Variants in TAS2R1 observed in about 807,000 individuals in gnomAD.
The protein encoded by TAS2R1 is taste receptor type 2 member 1.
For synonymous variants in TAS2R1, 141 were observed against 134.2 expected (o/e 1.05, Z -0.35); for missense variants, 370 against 353.4 (o/e 1.05, Z -0.38).
the TAS2R1 span, among the ~76,000 whole-genome samples, chr5:9,890,813 C>A: frequency 6.6e-6 from 1 of 152,216 alleles, no homozygotes; most frequent in Admixed American, 6.5e-5. Context: ...CTACTTATAA[C>A]CACGTGTCAA....
chr5:9,703,485 G>A (rs750950652), intron 1 of TAS2R1, among the ~76,000 whole-genome samples: 1 of 152,104 alleles, frequency 6.6e-6, no homozygotes, highest in Non-Finnish European at 1.5e-5. Flanking sequence ...ACTGGTGGAA[G>A]GAGCAACAGG....
chr5:9,786,664 G>A, the TAS2R1 span, among the ~76,000 whole-genome samples: 1 of 152,176 alleles, frequency 6.6e-6, no homozygotes, highest in African/African-American at 2.4e-5. Context: ...CAAATGACTC[G>A]AATATGCAGC....
chr5:9,685,474 A>G (rs770520513), intron 1 of TAS2R1, among the ~76,000 whole-genome samples: 1 of 152,166 alleles, frequency 6.6e-6, no homozygotes, highest in Non-Finnish European at 1.5e-5. Flanking sequence ...ATCACATATT[A>G]TGTTATATTG....
At chr5:9,725,013 T>C in the TAS2R1 span, among the ~76,000 whole-genome samples, 1 of 152,246 alleles carries the variant, frequency 6.6e-6, no homozygotes, top group African/African-American at 2.4e-5. Flanking sequence ...TGTGATTTGG[T>C]AACCAGCAGC....
chr5:9,629,495 CA>C, downstream of TAS2R1: 1 of 1,614,144 alleles, frequency 6.2e-7, no homozygotes, highest in Non-Finnish European at 8.5e-7. Flanking sequence ...AACTCAGCAA[CA>C]AAAGAGAAAA....
chr5:9,890,502 A>T, the TAS2R1 span, among the ~76,000 whole-genome samples: 33 of 152,236 alleles, frequency 2.2e-4, no homozygotes, highest in Admixed American at 1.2e-3. Flanking sequence ...TTCCAACCCC[A>T]TTATATATAT....
At chr5:9,831,445 A>G in the TAS2R1 span, among the ~76,000 whole-genome samples, 1 of 152,214 alleles carries the variant, frequency 6.6e-6, no homozygotes, top group Admixed American at 6.5e-5. Context: ...TAAATTTAAA[A>G]TAACAGAATA....
chr5:9,639,764 C>T (rs138017161), intron 2 of TAS2R1, among the ~76,000 whole-genome samples: 5 of 152,324 alleles, frequency 3.3e-5, no homozygotes, highest in African/African-American at 1.2e-4. Context: ...CATGATCTAT[C>T]CTCTGCTAAC....
the TAS2R1 span, among the ~76,000 whole-genome samples, chr5:9,812,721 G>A: frequency 1.3e-5 from 2 of 152,136 alleles, no homozygotes; most frequent in African/African-American, 2.4e-5. Context: ...CACGGTAGGC[G>A]CTGGGAATAA....
the TAS2R1 span, among the ~76,000 whole-genome samples, chr5:9,754,209 C>G: frequency 7.9e-5 from 12 of 152,054 alleles, no homozygotes; most frequent in Admixed American, 2.0e-4. Context: ...ATTCAACAAC[C>G]CTTCATGCTA....
the TAS2R1 span, among the ~76,000 whole-genome samples, chr5:9,871,292 T>G: frequency 6.6e-6 from 1 of 152,236 alleles, no homozygotes; most frequent in Non-Finnish European, 1.5e-5. Flanking sequence ...CAAGATAGAC[T>G]ACCAGTTTGA....
At position 9,707,186 on chromosome 5, in the gene TAS2R1, G is replaced by T. The variant is rs1458493745; in HGVS notation, c.-242+4986C>A. 2.6e-5 allele frequency among the ~76,000 whole-genome samples: 4 copies of T among 152,202 alleles called. No homozygotes were observed. The East Asian group carries it at 5.8e-4, about 22-fold the overall frequency. ...AGGAGATGGATTTTTCTGAAGGCTC[G>T]GGAAGGATTCCCTCAGGCTGGTGGT... On this transcript the variant is annotated intron_variant, in intron 1 of 2. Transcript: ENST00000506620.
At chr5:9,726,081 G>A in the TAS2R1 span, among the ~76,000 whole-genome samples, 1 of 151,968 alleles carries the variant, frequency 6.6e-6, no homozygotes, top group African/African-American at 2.4e-5. Flanking sequence ...CTACTCTGGT[G>A]GGGCCTTGGA....
At chr5:9,751,839 C>T in the TAS2R1 span, among the ~76,000 whole-genome samples, 1 of 152,302 alleles carries the variant, frequency 6.6e-6, no homozygotes, top group Non-Finnish European at 1.5e-5. Flanking sequence ...TCCTAAGGTA[C>T]CTAAACCACC....
chr5:9,792,203 C>T, the TAS2R1 span, among the ~76,000 whole-genome samples: 2 of 152,200 alleles, frequency 1.3e-5, no homozygotes, highest in African/African-American at 4.8e-5. Context: ...CCCCAAGGCT[C>T]ACTTTCAAAT....
At chr5:9,733,156 G>A in the TAS2R1 span, among the ~76,000 whole-genome samples, 18 of 152,282 alleles carry the variant, frequency 1.2e-4, no homozygotes, top group African/African-American at 2.6e-4. Flanking sequence ...TGATTGTTCC[G>A]TGGAAACCAC....
the TAS2R1 span, among the ~76,000 whole-genome samples, chr5:9,880,080 C>A: frequency 1.3e-5 from 2 of 152,158 alleles, no homozygotes; most frequent in African/African-American, 4.8e-5. Context: ...ACCCAAACCC[C>A]ATTGAAGGAA....
the TAS2R1 span, among the ~76,000 whole-genome samples, chr5:9,784,767 C>A: frequency 6.6e-6 from 1 of 152,136 alleles, no homozygotes; most frequent in Non-Finnish European, 1.5e-5. Flanking sequence ...GTTTCCCTGG[C>A]TGGTGGCAGC....
At chr5:9,823,500 A>G in the TAS2R1 span, among the ~76,000 whole-genome samples, 41 of 112,382 alleles carry the variant, frequency 3.6e-4, 1 homozygote, top group African/African-American at 1.4e-3. Context: ...GAAGGGGAAG[A>G]GGAAGGGGAA....
Sources: gnomAD v4.1 joint callset for allele counts (sites outside exome capture counted in the v4.1 genomes callset) on GRCh38, gnomAD v4.1.1 for gene constraint, MANE v1.5 for transcripts, NCBI Gene and HGNC (gene_info 2026-07-23, HGNC 2026-07-21) for gene names.